The following TENT5D variants were observed in gnomAD, a reference collection of about 807,000 sequenced individuals.
TENT5D encodes terminal nucleotidyltransferase 5D.
For synonymous variants in TENT5D, 103 were observed against 100.6 expected, an observed-to-expected ratio of 1.02 and a Z score of -0.15; for missense variants, 191 against 287.0, an observed-to-expected ratio of 0.67 and a Z score of 2.42.
At chrX:80,432,970 G>C (rs1932115597) in intron 1 of TENT5D, among the ~76,000 whole-genome samples, 1 of 110,951 alleles carries the variant, frequency 9.0e-6, no homozygotes, top group Admixed American at 9.6e-5. Context: ...ATTCATAGGG[G>C]CTACTTAGCT....
intron 1 of TENT5D, among the ~76,000 whole-genome samples, chrX:80,432,579 G>T (rs1932108432): frequency 1.8e-5 from 2 of 111,675 alleles, no homozygotes; most frequent in African/African-American, 6.5e-5. Context: ...TTAATGTTCT[G>T]CTCTTACTCA....
At chrX:80,372,681 G>A (rs1602507524) in intron 3 of TENT5D, among the ~76,000 whole-genome samples, 1 of 110,099 alleles carries the variant, frequency 9.1e-6, no homozygotes, top group African/African-American at 3.3e-5. Flanking sequence ...GAGGTCAGGA[G>A]TTCGAGAACA....
At chrX:80,442,864 C>A (rs1932315185) in exon 3 of TENT5D, 1 of 1,209,132 alleles carries the variant, frequency 8.3e-7, no homozygotes, top group Non-Finnish European at 1.1e-6. Context: ...AGACTGTCTA[C>A]TTGACTTTTT....
intron 1 of TENT5D, among the ~76,000 whole-genome samples, chrX:80,424,764 A>G (rs911837817): frequency 8.9e-6 from 1 of 112,727 alleles, no homozygotes; most frequent in East Asian, 2.8e-4. Context: ...ATTTACAGAA[A>G]CTGCAGCAAG....
chrX:80,342,615 G>A (rs760541499), intron 3 of TENT5D: 2 of 112,442 alleles, frequency 1.8e-5, no homozygotes, highest in South Asian at 3.6e-4. Flanking sequence ...GAGGAATAAT[G>A]AGGGATTATT....
intron 3 of TENT5D, among the ~76,000 whole-genome samples, chrX:80,385,544 A>G (rs1486876384): frequency 8.9e-6 from 1 of 112,140 alleles, no homozygotes; most frequent in African/African-American, 3.2e-5. Flanking sequence ...ACCAAAAGCA[A>G]TGGCAGCAAA....
chrX:80,361,893 T>G (rs1448083429), intron 3 of TENT5D, among the ~76,000 whole-genome samples: 2 of 111,764 alleles, frequency 1.8e-5, no homozygotes, highest in African/African-American at 6.5e-5. Flanking sequence ...CATTGGTATA[T>G]TGCATGATGC....
chrX:80,343,506 T>C lies in TENT5D; in HGVS notation c.-142+942T>C, dbSNP rs1930001607. On this transcript the variant is annotated intron_variant, in intron 3 of 4. Coordinates refer to the TENT5D transcript ENST00000538312. ...TCCGCCTCCTGGGTTTAAGCGATTC[T>C]CCTGCCTCAACCTCCCGAGTAGCTG... Among the ~76,000 whole-genome samples the C allele has an allele frequency of 2.8e-5, 3 of 107,722 alleles. No individual in the cohort carries two copies. The South Asian group carries it at 1.3e-3, about 47-fold the overall frequency. 93.5% of individuals were successfully genotyped at this position (107,722 alleles called of 115,157 possible).
chrX:80,422,464 T>C (rs986374479), intron 1 of TENT5D, among the ~76,000 whole-genome samples: 2 of 111,228 alleles, frequency 1.8e-5, no homozygotes, highest in Non-Finnish European at 1.9e-5. Flanking sequence ...AGAGCTAGAC[T>C]ATGTCTCAAA....
At chrX:80,422,662 G>A (rs1341321067) in intron 1 of TENT5D, among the ~76,000 whole-genome samples, 3 of 110,827 alleles carry the variant, frequency 2.7e-5, no homozygotes, top group East Asian at 2.8e-4. Context: ...GTGAGTAGAC[G>A]GGGAGAGCTA....
chrX:80,377,478 A>G (rs1930755631), intron 3 of TENT5D, among the ~76,000 whole-genome samples: 1 of 111,358 alleles, frequency 9.0e-6, no homozygotes, highest in South Asian at 3.8e-4. Flanking sequence ...GAGTGAGAAC[A>G]TGTGGTGTTT....
chrX:80,440,641 A>AT (rs1254854122), intron 2 of TENT5D, among the ~76,000 whole-genome samples: 2 of 110,785 alleles, frequency 1.8e-5, no homozygotes, highest in Non-Finnish European at 3.8e-5. Context: ...AGACCATTGA[A>AT]TTTTTTAAAA....
intron 1 of TENT5D, among the ~76,000 whole-genome samples, chrX:80,421,433 C>T (rs1029333333): frequency 1.2e-4 from 13 of 111,797 alleles, no homozygotes; most frequent in Admixed American, 6.6e-4. Context: ...GTGATCTACC[C>T]GCCTCGGCCT....
At chrX:80,369,152 G>A (rs865980776) in intron 3 of TENT5D, among the ~76,000 whole-genome samples, 33 of 111,719 alleles carry the variant, frequency 3.0e-4, no homozygotes, top group African/African-American at 8.8e-4. Context: ...TGAGGGCTTA[G>A]ATTATTCAAT....
At chrX:80,348,653 C>A (rs1347560943) in intron 3 of TENT5D, among the ~76,000 whole-genome samples, 1 of 111,664 alleles carries the variant, frequency 9.0e-6, no homozygotes, top group African/African-American at 3.3e-5. Flanking sequence ...CCCTTTATTT[C>A]TTTCTCTTGC....
chrX:80,424,317 C>G (rs993696925), intron 1 of TENT5D, among the ~76,000 whole-genome samples: 8 of 111,648 alleles, frequency 7.2e-5, no homozygotes, highest in African/African-American at 2.6e-4. Context: ...TTAAAAATTC[C>G]AAGGCTAAGT....
intron 3 of TENT5D, among the ~76,000 whole-genome samples, chrX:80,382,331 G>A (rs1602199651): frequency 9.0e-6 from 1 of 111,711 alleles, no homozygotes; most frequent in East Asian, 2.9e-4. Flanking sequence ...ATTGCTGCCT[G>A]ATCCTTCCTC....
In TENT5D at chrX:80,433,493, G is replaced by A. The variant is rs140198954; in HGVS notation, c.-141-5117G>A. 2.7e-3 allele frequency among the ~76,000 whole-genome samples: 302 copies of A among 112,403 alleles called. 1 individual carries two copies. Among genetic ancestry groups the A allele is most frequent in the African/African-American group, 9.6e-3 (298 of 30,957 alleles). On this transcript the variant is annotated intron_variant, in intron 1 of 2. Coordinates refer to ENST00000308293, the Ensembl canonical transcript of TENT5D. The stretch of plus-strand genomic sequence containing the variant: ...ATAGCAACACAAACAAGTGAACACA[G>A]CAAGAATTGTATTTATCTGGTTTAG...
At chrX:80,355,662 T>C in intron 3 of TENT5D, among the ~76,000 whole-genome samples, 1 of 111,855 alleles carries the variant, frequency 8.9e-6, no homozygotes, top group Non-Finnish European at 1.9e-5. Flanking sequence ...CCCTTTTCAC[T>C]TACCTCTTTT....
Sources: allele counts gnomAD v4.1 joint callset (sites outside exome capture counted in the v4.1 genomes callset), GRCh38; gene constraint gnomAD v4.1.1; transcripts MANE v1.5; gene names NCBI Gene and HGNC (gene_info 2026-07-23, HGNC 2026-07-21).